CCSER1: variants seen among roughly 807,000 people sequenced by gnomAD.
The protein encoded by CCSER1 is coiled-coil serine rich protein 1.
Under a neutral mutation model 82.0 loss-of-function variants are expected in CCSER1, and 41 were observed. The ratio of observed to expected loss-of-function variants is 0.50; its 90% confidence interval spans 0.39 to 0.65. CCSER1 has a LOEUF of 0.65. Ranked by LOEUF, CCSER1 falls within the 30% of genes least tolerant of loss-of-function variation. The pLI is 0.00. For missense variants in CCSER1, 1,119 were observed against 1,064.2 expected (o/e 1.05, Z -0.72); for synonymous variants, 414 against 383.9 (o/e 1.08, Z -0.92).
At chr4:90,781,750 C>T (rs1753809345) in intron 7 of CCSER1, 1 of 966,612 alleles carries the variant, frequency 1.0e-6, no homozygotes, top group Non-Finnish European at 1.2e-6. Context: ...AGTATGAAAA[C>T]CTGTCTTTTG....
chr4:90,922,630 T>C (rs2150247907), intron 8 of CCSER1, among the ~76,000 whole-genome samples: 1 of 152,170 alleles, frequency 6.6e-6, no homozygotes, highest in Non-Finnish European at 1.5e-5. Context: ...TTACAGTACA[T>C]ATTTGAAGAT....
At chr4:90,718,928 T>C (rs1484688497) in intron 6 of CCSER1, among the ~76,000 whole-genome samples, 1 of 152,132 alleles carries the variant, frequency 6.6e-6, no homozygotes, top group African/African-American at 2.4e-5. Context: ...CCATCATTGG[T>C]GCATTACTAT....
At chr4:90,409,906 C>G (rs1274213733) in intron 4 of CCSER1, among the ~76,000 whole-genome samples, 1 of 152,086 alleles carries the variant, frequency 6.6e-6, no homozygotes, top group Non-Finnish European at 1.5e-5. Context: ...CAGAGACACA[C>G]ATAGGCTCAA....
intron 1 of CCSER1, among the ~76,000 whole-genome samples, chr4:90,255,508 A>G (rs967991226): frequency 6.6e-6 from 1 of 152,214 alleles, no homozygotes; most frequent in Non-Finnish European, 1.5e-5. Flanking sequence ...TCATAAGGAT[A>G]GTAATTCTCA....
At chr4:90,444,636 T>A (rs1450681995) in intron 4 of CCSER1, among the ~76,000 whole-genome samples, 1 of 152,082 alleles carries the variant, frequency 6.6e-6, no homozygotes. Flanking sequence ...AGGTTAGTAT[T>A]ATTAAGGACA....
chr4:90,616,323 G>A (rs530570173), intron 5 of CCSER1, among the ~76,000 whole-genome samples: 71 of 152,064 alleles, frequency 4.7e-4, no homozygotes, highest in South Asian at 1.9e-3. Context: ...TTTTAATAAA[G>A]TAGTTTTTGG....
chr4:91,276,498 C>T (rs918765530), intron 10 of CCSER1, among the ~76,000 whole-genome samples: 9 of 151,802 alleles, frequency 5.9e-5, no homozygotes, highest in Admixed American at 4.6e-4. Context: ...TTTTTGTATC[C>T]TTCAACTTTA....
intron 10 of CCSER1, among the ~76,000 whole-genome samples, chr4:91,398,404 ATTGT>A (rs1752117852): frequency 6.6e-6 from 1 of 151,948 alleles, no homozygotes; most frequent in Non-Finnish European, 1.5e-5. Context: ...CTTAAACAGC[ATTGT>A]TTAAATATTA....
At chr4:90,503,814 T>A (rs1011365275) in intron 5 of CCSER1, among the ~76,000 whole-genome samples, 12 of 152,132 alleles carry the variant, frequency 7.9e-5, no homozygotes, top group Non-Finnish European at 1.5e-4. Context: ...ATGGCTAATT[T>A]AATTATATAT....
At chr4:90,347,533 T>C (rs1742586134) in intron 3 of CCSER1, among the ~76,000 whole-genome samples, 1 of 152,212 alleles carries the variant, frequency 6.6e-6, no homozygotes. Context: ...AATTTCAGGC[T>C]GCTCTTGTAT....
rs1764893254 is a variant in CCSER1 at position 91,603,933 on chromosome 4, T to C, written c.*4876T>C. ...TGGGGGCCCCACCCTCATAATCTCA[T>C]CTAAACCTAATTACTTCCCAAGCGC... On this transcript the variant is annotated 3_prime_UTR_variant, in exon 11 of 11. Coordinates refer to ENST00000509176, the MANE Select transcript of CCSER1 (RefSeq NM_001145065.2). 6.6e-6 allele frequency: 1 copy of C among 151,968 alleles called. No homozygotes were observed. Among genetic ancestry groups the C allele is most frequent in the Admixed American group, 6.6e-5 (1 of 15,220 alleles). 9.4% of individuals were successfully genotyped at this position (151,968 alleles called of 1,614,324 possible). A position where few individuals can be genotyped will look rare whatever the true frequency, so the allele number is the denominator to read the frequency against.
intron 5 of CCSER1, among the ~76,000 whole-genome samples, chr4:90,576,104 G>C (rs1451434403): frequency 6.6e-6 from 1 of 151,636 alleles, no homozygotes; most frequent in East Asian, 1.9e-4. Flanking sequence ...TTGCTTACTA[G>C]ATTGATAGTT....
intron 10 of CCSER1, among the ~76,000 whole-genome samples, chr4:91,377,152 T>A (rs1750482416): frequency 1.3e-5 from 2 of 152,272 alleles, no homozygotes; most frequent in East Asian, 3.9e-4. Context: ...TCTATCATTG[T>A]TGGACATTTG....
intron 10 of CCSER1, among the ~76,000 whole-genome samples, chr4:91,162,909 G>A (rs1046293626): frequency 4.0e-5 from 6 of 151,898 alleles, no homozygotes; most frequent in African/African-American, 1.5e-4. Context: ...TTTTTTGAAG[G>A]GTTTTTTGTG....
chr4:90,461,309 C>T lies in CCSER1; in HGVS notation c.1604-6925C>T, dbSNP rs562497887. 1.6e-3 allele frequency among the ~76,000 whole-genome samples: 184 copies of T among 117,180 alleles called. 33 individuals are homozygous for T. The highest frequency in any genetic ancestry group is 8.2e-3 in the African/African-American group (177 of 21,538). The allele number at this position is 117,180 out of a possible 152,430, so 76.9% of individuals were successfully genotyped here. On this transcript the variant is annotated intron_variant, in intron 4 of 10. Coordinates refer to ENST00000509176, the MANE Select transcript of CCSER1 (RefSeq NM_001145065.2). ...GTCTCGATCTCCTGACCTCGTGATC[C>T]GCCCGCCTCGGCCTCCCAAAGTGCT...
At chr4:90,977,090 T>C (rs905582119) in intron 9 of CCSER1, among the ~76,000 whole-genome samples, 2 of 151,622 alleles carry the variant, frequency 1.3e-5, no homozygotes, top group African/African-American at 4.8e-5. Context: ...TTTTGTTCTC[T>C]GCCTCTCCTT....
chr4:90,885,539 G>A (rs1160206377), intron 8 of CCSER1, among the ~76,000 whole-genome samples: 1 of 152,072 alleles, frequency 6.6e-6, no homozygotes, highest in African/African-American at 2.4e-5. Flanking sequence ...GAGCTCAAGA[G>A]GGATGTTTCT....
chr4:91,224,074 A>T (rs2149104402), intron 10 of CCSER1, among the ~76,000 whole-genome samples: 1 of 149,746 alleles, frequency 6.7e-6, no homozygotes, highest in African/African-American at 2.5e-5. Flanking sequence ...TTTTTTTGGC[A>T]GAAATAGTGC....
chr4:90,426,369 T>C (rs958116021), intron 4 of CCSER1, among the ~76,000 whole-genome samples: 3 of 152,130 alleles, frequency 2.0e-5, no homozygotes, highest in African/African-American at 7.2e-5. Flanking sequence ...GCTAAAATAA[T>C]GTATTATATT....
Sources: allele counts gnomAD v4.1 joint callset (sites outside exome capture counted in the v4.1 genomes callset), GRCh38; gene constraint gnomAD v4.1.1; transcripts MANE v1.5; gene names NCBI Gene and HGNC (gene_info 2026-07-23, HGNC 2026-07-21).